The following KAT6B variants were observed in gnomAD, a reference collection of about 807,000 sequenced individuals.
KAT6B encodes the protein histone acetyltransferase KAT6B.
In KAT6B, 10 loss-of-function variants were observed where a neutral mutation model predicts 187.5. That is an observed-to-expected ratio of 0.05 (90% CI 0.03 to 0.09). The LOEUF is 0.09. KAT6B is among the 10% of genes least tolerant of loss of function. The pLI is 1.00. For synonymous variants in KAT6B, 861 were observed against 926.8 expected, an observed-to-expected ratio of 0.93 and a Z score of 1.29; for missense variants, 1,952 against 2,558.9, an observed-to-expected ratio of 0.76 and a Z score of 5.12.
At chr10:75,005,509 C>T (rs1467310503) in intron 13 of KAT6B, among the ~76,000 whole-genome samples, 2 of 152,122 alleles carry the variant, frequency 1.3e-5, no homozygotes, top group Admixed American at 6.5e-5. Flanking sequence ...TGAGCCACCA[C>T]GCCTGGCCCT....
Position 74,863,906 on chromosome 10 carries a change from G to A in KAT6B, c.621+20428G>A, listed in dbSNP as rs574032173. Among the ~76,000 whole-genome samples the A allele has an allele frequency of 6.6e-5, 10 of 152,204 alleles. No individual in the cohort carries two copies. In the East Asian group the frequency reaches 1.4e-3, roughly 21 times the overall value. ...TAGACATTATCTGTTGACTTCTTGCGAGTGTAGATAAGGATAAAGGTCCCT... is the reference window on the plus strand; with the variant it reads ...TAGACATTATCTGTTGACTTCTTGCAAGTGTAGATAAGGATAAAGGTCCCT... On this transcript the variant is annotated intron_variant, in intron 3 of 17. Coordinates refer to ENST00000287239, the MANE Select transcript of KAT6B (RefSeq NM_012330.4).
At chr10:74,873,849 C>T (rs1844198301) in intron 3 of KAT6B, among the ~76,000 whole-genome samples, 1 of 151,984 alleles carries the variant, frequency 6.6e-6, no homozygotes, top group Non-Finnish European at 1.5e-5. Context: ...GTATTTATTT[C>T]ACAGATGAGG....
At chr10:74,977,513 G>T in intron 9 of KAT6B, 76 bp downstream of exon 9, 1 of 1,533,830 alleles carries the variant, frequency 6.5e-7, no homozygotes, top group Non-Finnish European at 9.0e-7. Context: ...TTACTGTGTT[G>T]ATTTTATAGA....
At chr10:74,914,086 T>A (rs925873200) in intron 3 of KAT6B, among the ~76,000 whole-genome samples, 1 of 151,468 alleles carries the variant, frequency 6.6e-6, no homozygotes, top group Non-Finnish European at 1.5e-5. Context: ...CTTGGGAGGC[T>A]GAGGTAGGAG....
rs191649871 is a variant in KAT6B at position 74,917,179 on chromosome 10, A to T, written c.622-42791A>T. ...TTCAAGTCAGCCAAGCACTTTAAAA[A>T]TTATTTTGAAATAATTTTAGATTTA... On this transcript the variant is annotated intron_variant, in intron 3 of 17. Coordinates refer to ENST00000287239, the MANE Select transcript of KAT6B (RefSeq NM_012330.4). 5.7e-3 allele frequency among the ~76,000 whole-genome samples: 865 copies of T among 152,370 alleles called. 2 individuals are homozygous for T. The highest frequency in any genetic ancestry group is 8.9e-3 in the South Asian group (43 of 4,830).
At chr10:74,895,818 A>G (rs1845949167) in intron 3 of KAT6B, among the ~76,000 whole-genome samples, 1 of 151,958 alleles carries the variant, frequency 6.6e-6, no homozygotes, top group South Asian at 2.1e-4. Flanking sequence ...CTGGCCCTTA[A>G]TCTTGTTCCT....
chr10:74,988,424 G>T (rs907742206), intron 12 of KAT6B, among the ~76,000 whole-genome samples: 1 of 152,172 alleles, frequency 6.6e-6, no homozygotes, highest in African/African-American at 2.4e-5. Context: ...TCTTGTTGTT[G>T]TCTTTTTGTT....
At chr10:75,006,705 G>A (rs750310576) in intron 13 of KAT6B, among the ~76,000 whole-genome samples, 27 of 152,042 alleles carry the variant, frequency 1.8e-4, no homozygotes, top group Non-Finnish European at 3.1e-4. Flanking sequence ...GCTTCCCAAC[G>A]TGATAGGATT....
At chr10:74,965,469 T>G (rs1247371317) in intron 4 of KAT6B, among the ~76,000 whole-genome samples, 1 of 152,184 alleles carries the variant, frequency 6.6e-6, no homozygotes, top group Non-Finnish European at 1.5e-5. Context: ...CTGTATCCAG[T>G]GCTCATTAAA....
intron 3 of KAT6B, among the ~76,000 whole-genome samples, chr10:74,877,452 A>G (rs1472551593): frequency 6.6e-6 from 1 of 152,160 alleles, no homozygotes; most frequent in Non-Finnish European, 1.5e-5. Context: ...GCAGCTTCTG[A>G]ACCAGAGTAG....
Position 75,029,378 on chromosome 10 carries a change from G to A in KAT6B, c.4554G>A (p.Lys1518=), listed in dbSNP as rs1457412798. The A allele has an allele frequency of 6.2e-7, 1 of 1,614,046 alleles. No homozygotes were observed. The change falls in exon 18 of 18, where the codon AAG becomes AAA. Residue 1518 remains lysine (K), a synonymous_variant. Transcript: ENST00000287239. This position sits in a 1 kb window ranked among gnomAD's most constrained non-coding sequence, Gnocchi z 6.2. ...PGEQAQKQDQ[K]NSKEVDTEFK... ...AACAGGCACAGAAGCAGGACCAAAA[G>A]AACAGCAAGGAAGTCGATACAGAGT...
At chr10:75,022,301 T>A in intron 16 of KAT6B, 70 bp downstream of exon 16, 1 of 1,543,148 alleles carries the variant, frequency 6.5e-7, no homozygotes, top group South Asian at 1.1e-5. Flanking sequence ...AGACATTCTG[T>A]CTATTAGTAT....
intron 13 of KAT6B, among the ~76,000 whole-genome samples, chr10:75,018,586 CTG>C (rs1845162905): frequency 6.6e-6 from 1 of 152,138 alleles, no homozygotes. Flanking sequence ...GGATTAGGGA[CTG>C]TAGCGGGGAG....
rs539006429 is a variant in KAT6B at position 74,940,849 on chromosome 10, G to C, written c.622-19121G>C. On this transcript the variant is annotated intron_variant, in intron 3 of 17. Coordinates refer to ENST00000287239, the MANE Select transcript of KAT6B (RefSeq NM_012330.4). Reference sequence around the variant, plus strand: ...AAATTCTTGGTCGCCTCACTGCTCTGTATTTTCTCTCCAACTCCTTAGACT... The same window carrying C: ...AAATTCTTGGTCGCCTCACTGCTCTCTATTTTCTCTCCAACTCCTTAGACT... Among the ~76,000 whole-genome samples, 21 of 152,248 alleles carry C rather than the reference G, an allele frequency of 1.4e-4. No homozygotes were observed. The South Asian group carries it at 3.5e-3, about 26-fold the overall frequency.
intron 3 of KAT6B, among the ~76,000 whole-genome samples, chr10:74,931,962 T>C (rs1417458577): frequency 6.6e-6 from 1 of 152,116 alleles, no homozygotes; most frequent in East Asian, 1.9e-4. Flanking sequence ...TCCTCCTGTG[T>C]TGGCCTCCCA....
chr10:75,018,226 A>G (rs1266957363), intron 13 of KAT6B, among the ~76,000 whole-genome samples: 1 of 152,178 alleles, frequency 6.6e-6, no homozygotes, highest in Non-Finnish European at 1.5e-5. Flanking sequence ...AGCACAGTGC[A>G]AGGGTGTTTG....
chr10:75,016,834 A>G (rs1302302100), intron 13 of KAT6B, among the ~76,000 whole-genome samples: 1 of 149,858 alleles, frequency 6.7e-6, no homozygotes, highest in African/African-American at 2.5e-5. Flanking sequence ...GCTTCAGGAT[A>G]ATACACCAGC....
At chr10:75,028,369 T>C in intron 17 of KAT6B, 120 bp from the exon 18 acceptor site, 1 of 1,477,566 alleles carries the variant, frequency 6.8e-7, no homozygotes, top group Non-Finnish European at 9.3e-7. Context: ...CCATCAACTT[T>C]TAACATGCCA....
intron 3 of KAT6B, among the ~76,000 whole-genome samples, chr10:74,877,492 A>G (rs889265821): frequency 6.6e-6 from 1 of 152,166 alleles, no homozygotes; most frequent in Non-Finnish European, 1.5e-5. Context: ...TGCAGTTTTG[A>G]TGCTGCAGAA....
Sources: allele counts gnomAD v4.1 joint callset (sites outside exome capture counted in the v4.1 genomes callset), GRCh38; gene constraint gnomAD v4.1.1; non-coding constraint Gnocchi (gnomAD v3.1); transcripts MANE v1.5; gene names NCBI Gene and HGNC (gene_info 2026-07-23, HGNC 2026-07-21).